SLC2A13: variants seen among roughly 807,000 people sequenced by gnomAD.
The protein encoded by SLC2A13 is solute carrier family 2 member 13, also known as proton myo-inositol cotransporter.
A neutral mutation model predicts 64.4 loss-of-function variants in SLC2A13; 32 were observed. That is an observed-to-expected ratio of 0.50 (90% CI 0.37 to 0.67). The LOEUF (loss-of-function observed/expected upper bound fraction) is 0.67, where lower values mean the gene tolerates loss of function less well. Among genes scored for constraint, SLC2A13 ranks in the 30% least tolerant of loss-of-function variants. The pLI is 0.00. For missense variants in SLC2A13, 743 were observed against 829.2 expected (o/e 0.90, Z 1.28); for synonymous variants, 338 against 327.1 (o/e 1.03, Z -0.36).
At chr12:39,785,233 G>A (rs1402200761) in intron 7 of SLC2A13, among the ~76,000 whole-genome samples, 1 of 152,142 alleles carries the variant, frequency 6.6e-6, no homozygotes, top group Non-Finnish European at 1.5e-5. Flanking sequence ...CCAGGCCTGG[G>A]GTCCCCATGC....
intron 4 of SLC2A13, among the ~76,000 whole-genome samples, chr12:39,886,882 A>G (rs575625468): frequency 6.6e-6 from 1 of 152,344 alleles, no homozygotes; most frequent in South Asian, 2.1e-4. Context: ...ATTTTTGAGC[A>G]CTTAACTAAA....
rs187309771 is a variant in SLC2A13 at position 39,818,781 on chromosome 12, C to A, written c.1445+11322G>T. On this transcript the variant is annotated intron_variant, in intron 7 of 9. Transcript: ENST00000280871. ...ATGTTTCATATACCAATAACAACTACAGTTTGAAGGCACAGATGTAGAAAA... is the reference window on the plus strand; with the variant it reads ...ATGTTTCATATACCAATAACAACTAAAGTTTGAAGGCACAGATGTAGAAAA... Among the ~76,000 whole-genome samples the A allele has an allele frequency of 1.7e-3, 260 of 152,210 alleles. 3 individuals carry two copies. Among genetic ancestry groups the A allele is most frequent in the African/African-American group, 6.0e-3 (251 of 41,536 alleles).
In SLC2A13 at chr12:39,858,984, G is replaced by A. The variant is rs565351856; in HGVS notation, c.1319+5778C>T. On this transcript the variant is annotated intron_variant, in intron 6 of 9. Coordinates refer to ENST00000280871, the MANE Select transcript of SLC2A13 (RefSeq NM_052885.4). ...CTTACAGTGCTCATGTTAATGATGC[G>A]TTTGTTAAATAACACAAGGCTGGCA... is the stretch of plus-strand genomic sequence containing the variant. Among the ~76,000 whole-genome samples, 24 of 152,238 alleles carry A rather than the reference G, an allele frequency of 1.6e-4. No homozygotes were observed. In the South Asian group the frequency reaches 1.7e-3, roughly 11 times the overall value.
rs141341963 is a variant in SLC2A13 at position 39,904,017 on chromosome 12, C to T, written c.1035-32056G>A. ...CTTGCAATCTAGATTCTGTCTGTGT[C>T]GGAGGTGCCCAAGACCACCCTCAGT... On this transcript the variant is annotated intron_variant, in intron 4 of 9. Transcript: ENST00000280871. Among the ~76,000 whole-genome samples, 325 of 152,116 alleles carry T rather than the reference C, an allele frequency of 2.1e-3. 1 individual carries two copies. Among genetic ancestry groups the T allele is most frequent in the African/African-American group, 7.6e-3 (314 of 41,520 alleles).
chr12:39,879,819 C>T (rs117992801), intron 4 of SLC2A13, among the ~76,000 whole-genome samples: 6,943 of 152,070 alleles, frequency 0.046, 214 homozygotes, highest in Middle Eastern at 0.075. Context: ...TATTTTGCAA[C>T]GTGAGAAGGA....
chr12:40,001,843 A>C (rs1947326023), intron 3 of SLC2A13, among the ~76,000 whole-genome samples: 1 of 152,258 alleles, frequency 6.6e-6, no homozygotes, highest in African/African-American at 2.4e-5. Context: ...AATCATCCCA[A>C]TGAAAATTTT....
rs369425963 is a variant in SLC2A13, at chr12:39,838,004, T to G, written c.1320-7776A>C. On this transcript the variant is annotated intron_variant, in intron 6 of 9. Coordinates refer to ENST00000280871, the MANE Select transcript of SLC2A13 (RefSeq NM_052885.4). ...TCCCATTACTGGGTATATACCCAAA[T>G]GACTATAAATCATGCTGCTATAAAG... is the stretch of plus-strand genomic sequence containing the variant. 1.7e-3 allele frequency among the ~76,000 whole-genome samples: 251 copies of G among 151,024 alleles called. 2 individuals are homozygous for G. In the East Asian group the frequency reaches 0.031, roughly 19 times the overall value.
intron 2 of SLC2A13, among the ~76,000 whole-genome samples, chr12:40,039,710 A>ATC (rs1306312138): frequency 6.6e-6 from 1 of 152,154 alleles, no homozygotes. Flanking sequence ...AGGTACAGAG[A>ATC]TCTCCCACAC....
At chr12:40,005,295 T>C (rs901750891) in intron 3 of SLC2A13, among the ~76,000 whole-genome samples, 4 of 152,188 alleles carry the variant, frequency 2.6e-5, no homozygotes, top group African/African-American at 7.2e-5. Context: ...TGAAGTTCAT[T>C]TGAAGTGTCC....
chr12:39,988,667 G>A (rs1947073840), intron 3 of SLC2A13, among the ~76,000 whole-genome samples: 1 of 116,132 alleles, frequency 8.6e-6, no homozygotes, highest in Non-Finnish European at 1.8e-5. Context: ...AGGAGGGAGG[G>A]AGGGAGGGAA....
At chr12:40,102,407 T>A (rs1423220417) in intron 1 of SLC2A13, among the ~76,000 whole-genome samples, 1 of 152,228 alleles carries the variant, frequency 6.6e-6, no homozygotes, top group Non-Finnish European at 1.5e-5. Flanking sequence ...CTTAAAGTGC[T>A]ACCCGACCAG....
intron 7 of SLC2A13, among the ~76,000 whole-genome samples, chr12:39,771,173 C>T (rs982916787): frequency 2.0e-5 from 3 of 152,118 alleles, no homozygotes; most frequent in Admixed American, 6.6e-5. Flanking sequence ...TCTGCCTCTG[C>T]GGGAGAGAGA....
intron 4 of SLC2A13, among the ~76,000 whole-genome samples, chr12:39,884,765 T>C (rs1277934301): frequency 6.6e-6 from 1 of 152,140 alleles, no homozygotes; most frequent in Admixed American, 6.6e-5. Context: ...ACAGTCCAAA[T>C]AGTTAATCAG....
chr12:39,829,970 T>C (rs753775157), intron 7 of SLC2A13, 133 bp downstream of exon 7: 7 of 1,090,104 alleles, frequency 6.4e-6, no homozygotes, highest in Non-Finnish European at 9.4e-6. Context: ...ATCACCAGTA[T>C]ATGCTGCAAA....
intron 3 of SLC2A13, among the ~76,000 whole-genome samples, chr12:40,026,378 C>CT (rs1189737348): frequency 6.6e-6 from 1 of 152,116 alleles, no homozygotes; most frequent in African/African-American, 2.4e-5. Flanking sequence ...TATATCCAAG[C>CT]AAAGGGGTGC....
intron 4 of SLC2A13, among the ~76,000 whole-genome samples, chr12:39,939,076 C>G (rs921093062): frequency 2.0e-5 from 3 of 152,262 alleles, no homozygotes; most frequent in Admixed American, 6.5e-5. Flanking sequence ...TACACTGTTC[C>G]TTGGAGAGTA....
chr12:39,897,892 A>G (rs780597155), intron 4 of SLC2A13, among the ~76,000 whole-genome samples: 9 of 149,476 alleles, frequency 6.0e-5, no homozygotes, highest in Admixed American at 1.3e-4. Flanking sequence ...TACAATATAT[A>G]AGACATTTTT....
At chr12:39,868,946 TC>T (rs1488367836) in intron 5 of SLC2A13, among the ~76,000 whole-genome samples, 18 of 152,286 alleles carry the variant, frequency 1.2e-4, no homozygotes, top group Admixed American at 1.0e-3. Flanking sequence ...TAACAAAAAA[TC>T]ATCTTGATAT....
At chr12:39,897,054 T>C (rs928630186) in intron 4 of SLC2A13, among the ~76,000 whole-genome samples, 4 of 152,122 alleles carry the variant, frequency 2.6e-5, no homozygotes, top group Non-Finnish European at 5.9e-5. Context: ...TCAATGCTTA[T>C]TTTCCTGAGA....
Sources: allele counts gnomAD v4.1 joint callset (sites outside exome capture counted in the v4.1 genomes callset), GRCh38; gene constraint gnomAD v4.1.1; transcripts MANE v1.5; gene names NCBI Gene and HGNC (gene_info 2026-07-23, HGNC 2026-07-21).